Variants in SORCS1 observed in about 807,000 individuals in gnomAD.
SORCS1 encodes the protein VPS10 domain-containing receptor SorCS1.
SORCS1 carries 60 observed loss-of-function variants against 146.1 expected under a neutral mutation model. That is an observed-to-expected ratio of 0.41 (90% CI 0.33 to 0.51). SORCS1 has a LOEUF of 0.51. SORCS1 is among the 20% of genes least tolerant of loss of function. The probability of loss-of-function intolerance (pLI) is 0.21; values close to 1 mark genes in which losing one functional copy is unlikely to be tolerated. For missense variants in SORCS1, 1,352 were observed against 1,487.6 expected (o/e 0.91, Z 1.50); for synonymous variants, 637 against 584.0 (o/e 1.09, Z -1.31).
chr10:106,890,268 TC>T (rs1234665811), intron 2 of SORCS1, among the ~76,000 whole-genome samples: 1 of 152,154 alleles, frequency 6.6e-6, no homozygotes, highest in African/African-American at 2.4e-5. Context: ...TCTCTCCCTC[TC>T]CCCACTCACC....
intron 1 of SORCS1, among the ~76,000 whole-genome samples, chr10:107,131,658 A>G (rs182273533): frequency 7.0e-4 from 107 of 152,294 alleles, no homozygotes; most frequent in African/African-American, 2.5e-3. Flanking sequence ...GGTAGAGGTT[A>G]CCATGAGCCT....
intron 1 of SORCS1, among the ~76,000 whole-genome samples, chr10:107,153,464 T>C (rs1198267432): frequency 1.3e-5 from 2 of 152,162 alleles, no homozygotes; most frequent in Admixed American, 6.6e-5. Flanking sequence ...ACTGGGTGAA[T>C]GGAGGTCACT....
At chr10:106,844,627 T>A (rs1327430927) in intron 2 of SORCS1, among the ~76,000 whole-genome samples, 6 of 151,022 alleles carry the variant, frequency 4.0e-5, no homozygotes, top group Non-Finnish European at 5.9e-5. Flanking sequence ...CATGTGCACA[T>A]TGTGCAGGTT....
At chr10:107,122,759 G>A (rs991513973) in intron 1 of SORCS1, among the ~76,000 whole-genome samples, 4 of 152,112 alleles carry the variant, frequency 2.6e-5, no homozygotes, top group African/African-American at 9.7e-5. Flanking sequence ...CACCGATTTA[G>A]CACTTGTCTT....
Position 106,679,253 on chromosome 10 carries a change from T to A in SORCS1, c.1740+3A>T, listed in dbSNP as rs371839968. On this transcript the variant is annotated splice_donor_region_variant and intron_variant, in intron 12 of 25. Coordinates refer to ENST00000263054, the MANE Select transcript of SORCS1 (RefSeq NM_052918.5). ...AGCGATTTGACCCAGGGTATTTTCT[T>A]ACCTGTCTCCAGGTGTTCCCTGCAT... is the stretch of plus-strand genomic sequence containing the variant. 2 of 1,608,764 alleles carry A rather than the reference T, an allele frequency of 1.2e-6. No homozygotes were observed. Among genetic ancestry groups the A allele is most frequent in the African/African-American group, 2.7e-5 (2 of 74,720 alleles).
intron 2 of SORCS1, among the ~76,000 whole-genome samples, chr10:106,832,765 G>C (rs1021890229): frequency 6.6e-6 from 1 of 151,966 alleles, no homozygotes; most frequent in African/African-American, 2.4e-5. Context: ...GGTGGAAATC[G>C]GTAAGACTAC....
chr10:107,065,432 T>TTTCTTTCTTTCTTTCTTTCTTTCA (rs1564991886), intron 1 of SORCS1, among the ~76,000 whole-genome samples: 1 of 148,576 alleles, frequency 6.7e-6, no homozygotes, highest in South Asian at 2.2e-4. Context: ...TCTTTCTTTC[T>TTTCTTTCTTTCTTTCTTTCTTTCA]TTCTTTCTTT....
intron 1 of SORCS1, among the ~76,000 whole-genome samples, chr10:107,087,738 A>G (rs995707659): frequency 1.3e-4 from 20 of 152,344 alleles, no homozygotes; most frequent in African/African-American, 4.3e-4. Flanking sequence ...GGTAACATTT[A>G]CCATGAAGAT....
chr10:106,750,097 G>A (rs1366904941), intron 5 of SORCS1, among the ~76,000 whole-genome samples: 2 of 152,298 alleles, frequency 1.3e-5, no homozygotes, highest in African/African-American at 2.4e-5. Context: ...GCTAAGTGAG[G>A]TGTGATCACT....
chr10:107,008,812 A>G (rs1428152816), intron 1 of SORCS1, among the ~76,000 whole-genome samples: 1 of 152,188 alleles, frequency 6.6e-6, no homozygotes, highest in Non-Finnish European at 1.5e-5. Context: ...CCTGGCCAAC[A>G]TGGTGAAACC....
intron 1 of SORCS1, among the ~76,000 whole-genome samples, chr10:107,074,086 G>A (rs1028568867): frequency 1.3e-5 from 2 of 151,972 alleles, no homozygotes; most frequent in Non-Finnish European, 2.9e-5. Context: ...GTTCATTCTC[G>A]GCCTTGTCCA....
At chr10:107,056,274 A>C (rs1960625258) in intron 1 of SORCS1, among the ~76,000 whole-genome samples, 1 of 152,200 alleles carries the variant, frequency 6.6e-6, no homozygotes, top group Non-Finnish European at 1.5e-5. Flanking sequence ...AGAGATTCTA[A>C]ACTATCACTA....
chr10:106,724,669 C>G (rs1032053218), intron 6 of SORCS1, among the ~76,000 whole-genome samples: 1 of 152,130 alleles, frequency 6.6e-6, no homozygotes, highest in East Asian at 1.9e-4. Flanking sequence ...CTAGGGACAT[C>G]TGAAATAGAC....
rs575022747 is a variant in SORCS1, at chr10:107,163,867, G to A, written c.558+102C>T. 3.0e-6 allele frequency: 4 copies of A among 1,339,586 alleles called. No homozygotes were observed. The South Asian group carries it at 4.2e-5, about 14-fold the overall frequency. 83.0% of individuals were successfully genotyped at this position (1,339,586 alleles called of 1,614,324 possible). A position where few individuals can be genotyped will look rare whatever the true frequency, so the allele number is the denominator to read the frequency against. On this transcript the variant is annotated intron_variant, in intron 1 of 25. Coordinates refer to ENST00000263054, the MANE Select transcript of SORCS1 (RefSeq NM_052918.5). ...GAGACCAGTTTGCAGCATCTCCCATGTCCAGAAACCCTATTTCCCCCCAAT... is the reference window on the plus strand; with the variant it reads ...GAGACCAGTTTGCAGCATCTCCCATATCCAGAAACCCTATTTCCCCCCAAT...
At chr10:106,634,532 G>C (rs1345098574) in intron 18 of SORCS1, among the ~76,000 whole-genome samples, 1 of 152,194 alleles carries the variant, frequency 6.6e-6, no homozygotes. Flanking sequence ...GCTTTGACTT[G>C]ACCTATTCAG....
intron 3 of SORCS1, among the ~76,000 whole-genome samples, chr10:106,789,080 C>A (rs541351253): frequency 6.6e-6 from 1 of 152,346 alleles, no homozygotes; most frequent in East Asian, 1.9e-4. Flanking sequence ...GACTTGCACC[C>A]TCCACAGCAA....
chr10:107,053,588 G>A (rs1445935430), intron 1 of SORCS1, among the ~76,000 whole-genome samples: 2 of 152,072 alleles, frequency 1.3e-5, no homozygotes, highest in African/African-American at 2.4e-5. Context: ...TCTTTGAAGA[G>A]TTACAATATT....
At chr10:107,004,516 C>G (rs11193158) in intron 1 of SORCS1, among the ~76,000 whole-genome samples, 23,429 of 151,820 alleles carry the variant, frequency 0.15, 5,568 homozygotes, top group African/African-American at 0.51. Context: ...CACAAGATCT[C>G]GAGACTTATT....
intron 2 of SORCS1, among the ~76,000 whole-genome samples, chr10:106,900,669 C>A (rs191358782): frequency 5.3e-4 from 81 of 152,282 alleles, no homozygotes; most frequent in African/African-American, 1.5e-3. Context: ...CCCTAACTTC[C>A]CCACTCTCCA....
Sources: gnomAD v4.1 joint callset for allele counts (sites outside exome capture counted in the v4.1 genomes callset) on GRCh38, gnomAD v4.1.1 for gene constraint, MANE v1.5 for transcripts, NCBI Gene and HGNC (gene_info 2026-07-23, HGNC 2026-07-21) for gene names.